The following SETBP1 variants were observed in gnomAD, a reference collection of about 807,000 sequenced individuals.
SETBP1 encodes the protein SET-binding protein.
A neutral mutation model predicts 101.0 loss-of-function variants in SETBP1; 9 were observed. The observed-to-expected ratio is 0.09, with a 90% CI of 0.05 to 0.16. The LOEUF is 0.16. SETBP1 is among the 10% of genes least tolerant of loss of function. SETBP1 has a pLI of 1.00. For missense variants in SETBP1, 1,858 were observed against 2,033.8 expected, an observed-to-expected ratio of 0.91 and a Z score of 1.66; for synonymous variants, 818 against 788.5, an observed-to-expected ratio of 1.04 and a Z score of -0.63.
intron 4 of SETBP1, among the ~76,000 whole-genome samples, chr18:44,998,473 C>G (rs1655793855): frequency 6.6e-6 from 1 of 152,214 alleles, no homozygotes; most frequent in African/African-American, 2.4e-5. Context: ...TACACATAAA[C>G]CCATGTGTCT....
intron 3 of SETBP1, among the ~76,000 whole-genome samples, chr18:44,921,814 T>G (rs1475758333): frequency 6.6e-6 from 1 of 152,052 alleles, no homozygotes; most frequent in South Asian, 2.1e-4. Flanking sequence ...TGAAGCTTTA[T>G]GAAGGAGGGG....
chr18:44,968,536 G>A lies in SETBP1; in HGVS notation c.4000+15196G>A, dbSNP rs1036501144. Among the ~76,000 whole-genome samples, 5 of 152,296 alleles carry A rather than the reference G, an allele frequency of 3.3e-5. No individual in the cohort carries two copies. In the East Asian group the frequency reaches 9.6e-4, roughly 29 times the overall value. On this transcript the variant is annotated intron_variant, in intron 4 of 5. Transcript: ENST00000649279. ...GACAGCCTGGACTGCCAAGTAGTAG[G>A]CCTTGAGAGGGCGCTGCCAGCAAGA... is the stretch of plus-strand genomic sequence containing the variant.
chr18:44,979,861 C>A (rs767252527), intron 4 of SETBP1, among the ~76,000 whole-genome samples: 6 of 152,190 alleles, frequency 3.9e-5, no homozygotes, highest in Non-Finnish European at 5.9e-5. Context: ...CTTGGTTCTT[C>A]ATTCATGTTC....
intron 2 of SETBP1, among the ~76,000 whole-genome samples, chr18:44,794,654 G>A (rs768370887): frequency 1.2e-4 from 18 of 152,108 alleles, no homozygotes; most frequent in African/African-American, 3.1e-4. Context: ...TCTTGGTGTC[G>A]TTCTTACCCA....
intron 5 of SETBP1, among the ~76,000 whole-genome samples, chr18:45,045,221 A>G (rs2145524883): frequency 6.6e-6 from 1 of 152,360 alleles, no homozygotes; most frequent in South Asian, 2.1e-4. Context: ...CAGGAGTTCG[A>G]GACCAGACTG....
chr18:44,958,453 A>AT (rs1372813512), intron 4 of SETBP1, among the ~76,000 whole-genome samples: 1 of 152,172 alleles, frequency 6.6e-6, no homozygotes, highest in African/African-American at 2.4e-5. Flanking sequence ...AAATATGAAC[A>AT]TTTTTATGGG....
At chr18:44,864,806 G>A (rs2069093900) in intron 2 of SETBP1, among the ~76,000 whole-genome samples, 1 of 152,008 alleles carries the variant, frequency 6.6e-6, no homozygotes, top group East Asian at 1.9e-4. Context: ...GGGCCATGGC[G>A]AATTTCATTT....
intron 3 of SETBP1, among the ~76,000 whole-genome samples, chr18:44,921,794 A>G (rs537994117): frequency 6.6e-6 from 1 of 152,208 alleles, no homozygotes; most frequent in East Asian, 1.9e-4. Flanking sequence ...CGGAGGGATA[A>G]ATGTCAGCAT....
At chr18:44,698,881 T>A (rs1315214584) in intron 1 of SETBP1, among the ~76,000 whole-genome samples, 1 of 152,170 alleles carries the variant, frequency 6.6e-6, no homozygotes. Flanking sequence ...CTTTTATGAC[T>A]TGAATTTTAA....
At chr18:44,921,932 A>G (rs1280214776) in intron 3 of SETBP1, among the ~76,000 whole-genome samples, 2 of 152,190 alleles carry the variant, frequency 1.3e-5, no homozygotes, top group African/African-American at 4.8e-5. Flanking sequence ...GGCATGTAGG[A>G]TCTTTTGTGA....
At chr18:44,759,794 A>T (rs1877528556) in intron 2 of SETBP1, among the ~76,000 whole-genome samples, 1 of 152,262 alleles carries the variant, frequency 6.6e-6, no homozygotes, top group African/African-American at 2.4e-5. Flanking sequence ...AATGGCTTTA[A>T]ACTAGATTTT....
At chr18:44,756,304 G>A (rs902535676) in intron 2 of SETBP1, among the ~76,000 whole-genome samples, 1 of 151,948 alleles carries the variant, frequency 6.6e-6, no homozygotes, top group African/African-American at 2.4e-5. Context: ...AATGTGCCTC[G>A]TGAGTCTCCA....
chr18:44,797,075 G>A (rs1243489427), intron 2 of SETBP1, among the ~76,000 whole-genome samples: 2 of 152,170 alleles, frequency 1.3e-5, no homozygotes, highest in African/African-American at 4.8e-5. Flanking sequence ...TAACGAACAG[G>A]TTACAGGCAG....
intron 1 of SETBP1, among the ~76,000 whole-genome samples, chr18:44,691,377 A>G (rs1411166872): frequency 3.8e-5 from 5 of 131,972 alleles, no homozygotes; most frequent in Non-Finnish European, 7.8e-5. Flanking sequence ...CAACCCTTTC[A>G]CTACAAGAGA....
intron 4 of SETBP1, among the ~76,000 whole-genome samples, chr18:44,982,466 G>T (rs1370773564): frequency 1.3e-5 from 2 of 152,172 alleles, no homozygotes; most frequent in East Asian, 3.9e-4. Context: ...TATGGCTCTG[G>T]TTCGACTTGC....
intron 4 of SETBP1, among the ~76,000 whole-genome samples, chr18:45,033,308 G>A (rs890280861): frequency 2.0e-5 from 3 of 152,280 alleles, no homozygotes; most frequent in South Asian, 2.1e-4. Context: ...TTTCAGCTTC[G>A]CTTCGTCCAC....
chr18:44,881,669 C>T (rs2144739162), intron 3 of SETBP1, among the ~76,000 whole-genome samples: 1 of 152,258 alleles, frequency 6.6e-6, no homozygotes, highest in South Asian at 2.1e-4. Context: ...TCTTTTGCAC[C>T]TAAAGGCTTA....
chr18:44,869,021 A>G (rs533552814), intron 2 of SETBP1, among the ~76,000 whole-genome samples: 2 of 152,286 alleles, frequency 1.3e-5, no homozygotes, highest in African/African-American at 2.4e-5. Context: ...GAGCAGCAAG[A>G]GAGAAGTGAT....
intron 3 of SETBP1, among the ~76,000 whole-genome samples, chr18:44,914,977 C>G (rs1191189213): frequency 6.6e-6 from 1 of 152,026 alleles, no homozygotes; most frequent in Admixed American, 6.6e-5. Context: ...GCAGAAGAGT[C>G]TATCTAAAAA....
Sources: allele counts gnomAD v4.1 joint callset (sites outside exome capture counted in the v4.1 genomes callset), GRCh38; gene constraint gnomAD v4.1.1; transcripts MANE v1.5; gene names NCBI Gene and HGNC (gene_info 2026-07-23, HGNC 2026-07-21).